RASEF: variants seen among roughly 807,000 people sequenced by gnomAD.
RASEF encodes RAS and EF-hand domain containing.
RASEF carries 68 observed loss-of-function variants against 90.1 expected under a neutral mutation model. The observed-to-expected ratio is 0.75, with a 90% CI of 0.62 to 0.92. The LOEUF (loss-of-function observed/expected upper bound fraction) is 0.92. RASEF is among the 40% of genes least tolerant of loss of function. The probability of loss-of-function intolerance (pLI) is 0.00; values close to 1 mark genes in which losing one functional copy is unlikely to be tolerated. For missense variants in RASEF, 949 were observed against 937.2 expected (o/e 1.01, Z -0.16); for synonymous variants, 331 against 345.2 (o/e 0.96, Z 0.46).
chr9:83,040,675 T>C (rs1039014886), intron 1 of RASEF, among the ~76,000 whole-genome samples: 1 of 152,220 alleles, frequency 6.6e-6, no homozygotes, highest in African/African-American at 2.4e-5. Flanking sequence ...ATTGAATACC[T>C]ACCACTGATT....
intron 16 of RASEF, among the ~76,000 whole-genome samples, chr9:82,985,103 A>C (rs1828687398): frequency 6.6e-6 from 1 of 152,214 alleles, no homozygotes; most frequent in African/African-American, 2.4e-5. Context: ...ATTATCATTC[A>C]TTTGGGAAAA....
At chr9:83,104,389 C>T in the RASEF span, among the ~76,000 whole-genome samples, 1 of 152,116 alleles carries the variant, frequency 6.6e-6, no homozygotes, top group Non-Finnish European at 1.5e-5. Flanking sequence ...CTGAGATTTA[C>T]CTCTTCATAA....
intron 5 of RASEF, 36 bp from the exon 6 acceptor site, chr9:83,009,792 G>C (rs1299526313): frequency 7.6e-7 from 1 of 1,313,688 alleles, no homozygotes; most frequent in Non-Finnish European, 1.1e-6. Flanking sequence ...ATTAGATTCA[G>C]ATTTTCCTCT....
the RASEF span, among the ~76,000 whole-genome samples, chr9:83,087,437 C>CTCTCTCTCTCTCTCTCTCAA: frequency 6.6e-6 from 1 of 151,742 alleles, no homozygotes; most frequent in African/African-American, 2.4e-5. Context: ...CTCTCTCTCT[C>CTCTCTCTCTCTCTCTCTCAA]TCTGTCTCTC....
chr9:83,190,735 T>G, the RASEF span, among the ~76,000 whole-genome samples: 1 of 152,192 alleles, frequency 6.6e-6, no homozygotes, highest in Non-Finnish European at 1.5e-5. Flanking sequence ...TTGCCGATGA[T>G]GTACTTTAAA....
chr9:83,098,694 A>T, the RASEF span, among the ~76,000 whole-genome samples: 2 of 152,216 alleles, frequency 1.3e-5, no homozygotes, highest in Non-Finnish European at 2.9e-5. Context: ...TCATGGTGGA[A>T]GGCAAGGAGG....
At chr9:83,053,486 G>A (rs1830055290) in intron 1 of RASEF, among the ~76,000 whole-genome samples, 1 of 134,270 alleles carries the variant, frequency 7.4e-6, no homozygotes, top group Non-Finnish European at 1.5e-5. Flanking sequence ...GATGGGTCCT[G>A]ACTCTTTATC....
At chr9:83,184,518 A>T in the RASEF span, among the ~76,000 whole-genome samples, 1 of 152,078 alleles carries the variant, frequency 6.6e-6, no homozygotes, top group African/African-American at 2.4e-5. Flanking sequence ...TTTTCTTTCC[A>T]TTGCTGGACC....
chr9:83,174,490 T>C, the RASEF span, among the ~76,000 whole-genome samples: 1 of 152,166 alleles, frequency 6.6e-6, no homozygotes, highest in Non-Finnish European at 1.5e-5. Context: ...TCTGTTCTAC[T>C]CCATTGATCT....
At chr9:83,146,229 C>T in the RASEF span, among the ~76,000 whole-genome samples, 1 of 151,824 alleles carries the variant, frequency 6.6e-6, no homozygotes, top group East Asian at 1.9e-4. Context: ...ATTCAGTTAA[C>T]CTCTGTGGGC....
chr9:83,191,192 A>G, the RASEF span, among the ~76,000 whole-genome samples: 2 of 152,212 alleles, frequency 1.3e-5, no homozygotes, highest in Non-Finnish European at 2.9e-5. Flanking sequence ...ACCACATTCA[A>G]TTCAAAGAAA....
chr9:83,154,596 A>G, the RASEF span, among the ~76,000 whole-genome samples: 1 of 152,138 alleles, frequency 6.6e-6, no homozygotes, highest in African/African-American at 2.4e-5. Context: ...GAAACACTCA[A>G]AAGTCAGGAA....
chr9:83,070,935 A>C, the RASEF span, among the ~76,000 whole-genome samples: 1 of 152,198 alleles, frequency 6.6e-6, no homozygotes, highest in Non-Finnish European at 1.5e-5. Context: ...CCAGTGTATA[A>C]AAATTCAGTT....
At chr9:83,219,016 GA>G in the RASEF span, among the ~76,000 whole-genome samples, 6 of 152,020 alleles carry the variant, frequency 3.9e-5, no homozygotes, top group Non-Finnish European at 5.9e-5. Flanking sequence ...ATGTTAAGAA[GA>G]AAATCCTAGA....
chr9:83,010,037 A>C (rs1829211755), intron 5 of RASEF, among the ~76,000 whole-genome samples: 1 of 152,214 alleles, frequency 6.6e-6, no homozygotes, highest in Admixed American at 6.5e-5. Context: ...ATGTATTTCA[A>C]CACATTATTG....
intron 3 of RASEF, among the ~76,000 whole-genome samples, chr9:83,017,766 T>C (rs1829370185): frequency 6.6e-6 from 1 of 152,052 alleles, no homozygotes; most frequent in South Asian, 2.1e-4. Context: ...CAAACCAATA[T>C]CTCTTCCACA....
At position 83,000,317 on chromosome 9, in the gene RASEF, C is replaced by A; in HGVS notation, c.1576-1G>T. On this transcript the variant is annotated splice_acceptor_variant, in intron 11 of 16. Coordinates refer to ENST00000376447, the MANE Select transcript of RASEF (RefSeq NM_152573.4). LOFTEE classifies it high-confidence loss of function. ...TAGCGTTGTCATCTACCAGGTCTGTCTGGGGGGAAAAGCCACAGTGAATGA... is the reference window on the plus strand; with the variant it reads ...TAGCGTTGTCATCTACCAGGTCTGTATGGGGGGAAAAGCCACAGTGAATGA... The A allele has an allele frequency of 6.2e-7, 1 of 1,613,106 alleles. No homozygotes were observed. Among genetic ancestry groups the A allele is most frequent in the Non-Finnish European group, 8.5e-7 (1 of 1,179,642 alleles).
At chr9:83,174,517 G>C in the RASEF span, among the ~76,000 whole-genome samples, 40 of 152,036 alleles carry the variant, frequency 2.6e-4, no homozygotes, top group Non-Finnish European at 5.6e-4. Flanking sequence ...CTATCTTTAA[G>C]TCCGTATCAC....
chr9:83,047,544 GAA>G (rs1324238697), intron 1 of RASEF, among the ~76,000 whole-genome samples: 1 of 152,162 alleles, frequency 6.6e-6, no homozygotes, highest in Non-Finnish European at 1.5e-5. Flanking sequence ...CAGATGAAGA[GAA>G]AGAAAAATAT....
Sources: gnomAD v4.1 joint callset for allele counts (sites outside exome capture counted in the v4.1 genomes callset) on GRCh38, gnomAD v4.1.1 for gene constraint, MANE v1.5 for transcripts, NCBI Gene and HGNC (gene_info 2026-07-23, HGNC 2026-07-21) for gene names.